ERI3: variants seen among roughly 807,000 people sequenced by gnomAD.
The protein encoded by ERI3 is ERI1 exoribonuclease 3.
A neutral mutation model predicts 44.4 loss-of-function variants in ERI3; 18 were observed. That is an observed-to-expected ratio of 0.41 (90% CI 0.28 to 0.60). The LOEUF (loss-of-function observed/expected upper bound fraction) is 0.60. ERI3 is among the 20% of genes least tolerant of loss of function. ERI3 has a pLI of 0.36. For missense variants in ERI3, 294 were observed against 435.5 expected (o/e 0.68, Z 2.89); for synonymous variants, 183 against 164.8 (o/e 1.11, Z -0.84).
chr1:44,336,205 G>A lies in ERI3; in HGVS notation c.489+2840C>T, dbSNP rs1008118202. ...CAGCACAGGGGCTCTAATAAGAACC[G>A]GACCTATGTTGACCTCAATGGAAGG... On this transcript the variant is annotated intron_variant, in intron 3 of 8. Coordinates refer to ENST00000372257, the MANE Select transcript of ERI3 (RefSeq NM_024066.3). 7.9e-5 allele frequency among the ~76,000 whole-genome samples: 12 copies of A among 152,236 alleles called. No homozygotes were observed. In the South Asian group the frequency reaches 8.3e-4, roughly 11 times the overall value.
intron 7 of ERI3, among the ~76,000 whole-genome samples, chr1:44,282,443 G>A (rs3850118): frequency 6.6e-6 from 1 of 152,166 alleles, no homozygotes; most frequent in East Asian, 1.9e-4. Context: ...GGGGACACAA[G>A]GCATGGAGTA....
chr1:44,227,996 A>G (rs1644085697), intron 8 of ERI3, among the ~76,000 whole-genome samples: 1 of 152,172 alleles, frequency 6.6e-6, no homozygotes, highest in African/African-American at 2.4e-5. Context: ...AATAACATCT[A>G]AAAATAATGT....
At chr1:44,244,967 C>A (rs192412538) in intron 8 of ERI3, among the ~76,000 whole-genome samples, 10 of 152,226 alleles carry the variant, frequency 6.6e-5, no homozygotes, top group Admixed American at 6.5e-4. Context: ...CCCAATGCTG[C>A]CTTACCCCCC....
At position 44,235,442 on chromosome 1, in the gene ERI3, G is replaced by GC. The variant is rs1351271522; in HGVS notation, c.931+12496dup. On this transcript the variant is annotated intron_variant, in intron 8 of 8. Transcript: ENST00000372257. This position sits in a 1 kb window ranked among gnomAD's most constrained non-coding sequence, Gnocchi z 4.6. ...GTGCTCCCACAGCAGCCAATTCTCC[G>GC]CCTATCGTAACTGCCTCTCCTTCAC... Among the ~76,000 whole-genome samples the GC allele has an allele frequency of 1.3e-5, 2 of 152,000 alleles. No homozygotes were observed. The highest frequency in any genetic ancestry group is 4.8e-5 in the African/African-American group (2 of 41,370).
At chr1:44,308,442 T>C (rs755526499) in intron 5 of ERI3, 41 bp from the exon 6 acceptor site, 26 of 1,544,238 alleles carry the variant, frequency 1.7e-5, no homozygotes, top group Admixed American at 5.0e-5. Flanking sequence ...TCCTTTTTTT[T>C]CCCTGAGCCT....
At chr1:44,308,507 A>C in intron 5 of ERI3, 106 bp from the exon 6 acceptor site, 1 of 896,544 alleles carries the variant, frequency 1.1e-6, no homozygotes, top group Non-Finnish European at 1.9e-6. Context: ...AGAACAGGAG[A>C]AAATTGTAAT....
intron 8 of ERI3, among the ~76,000 whole-genome samples, chr1:44,233,627 C>T (rs1644237834): frequency 6.6e-6 from 1 of 152,106 alleles, no homozygotes; most frequent in Non-Finnish European, 1.5e-5. Context: ...AGGGTCCAAC[C>T]CAGAATCCAG....
intron 8 of ERI3, among the ~76,000 whole-genome samples, chr1:44,246,625 G>A: frequency 6.6e-6 from 1 of 152,182 alleles, no homozygotes; most frequent in Non-Finnish European, 1.5e-5. Flanking sequence ...AGAGGTAACT[G>A]AAAAAGTAGA....
At chr1:44,277,860 T>G (rs1213311997) in intron 7 of ERI3, among the ~76,000 whole-genome samples, 2 of 152,170 alleles carry the variant, frequency 1.3e-5, no homozygotes, top group African/African-American at 2.4e-5. Flanking sequence ...TGAAAAATAA[T>G]AGCAACCACT....
intron 4 of ERI3, among the ~76,000 whole-genome samples, chr1:44,317,192 A>G (rs1429475364): frequency 6.6e-6 from 1 of 152,056 alleles, no homozygotes; most frequent in African/African-American, 2.4e-5. Context: ...TCTTGTGCAC[A>G]AGAGAGAAAA....
chr1:44,277,726 ACT>A (rs1205625360), intron 7 of ERI3, among the ~76,000 whole-genome samples: 1 of 151,604 alleles, frequency 6.6e-6, no homozygotes, highest in East Asian at 1.9e-4. Context: ...TCACTTTTTT[ACT>A]CTCTGTCTCT....
At chr1:44,290,163 G>A (rs1305274877) in intron 6 of ERI3, among the ~76,000 whole-genome samples, 1 of 152,204 alleles carries the variant, frequency 6.6e-6, no homozygotes, top group Non-Finnish European at 1.5e-5. Flanking sequence ...GAGTGATGTG[G>A]GCTGGCAGTC....
chr1:44,322,968 T>G, intron 3 of ERI3: 1 of 1,393,984 alleles, frequency 7.2e-7, no homozygotes, highest in Non-Finnish European at 9.4e-7. Context: ...TGTGCCCAAG[T>G]GCCAGCCTCT....
intron 5 of ERI3, among the ~76,000 whole-genome samples, chr1:44,310,525 T>C (rs1181958778): frequency 6.6e-6 from 1 of 152,078 alleles, no homozygotes; most frequent in African/African-American, 2.4e-5. Flanking sequence ...CCACAGTATA[T>C]AGAAAGAAAG....
intron 3 of ERI3, among the ~76,000 whole-genome samples, chr1:44,331,268 G>T (rs529623239): frequency 6.6e-6 from 1 of 152,086 alleles, no homozygotes; most frequent in South Asian, 2.1e-4. Context: ...TCTATTGAAG[G>T]TAGGTCCTAG....
At chr1:44,353,809 C>A in intron 1 of ERI3, 4 of 985,368 alleles carry the variant, frequency 4.1e-6, no homozygotes, top group Non-Finnish European at 4.8e-6. Flanking sequence ...TGCCAAAGTG[C>A]TCTGAGCTCC....
At position 44,235,661 on chromosome 1, in the gene ERI3, C is replaced by A. The variant is rs1374201223; in HGVS notation, c.931+12278G>T. Among the ~76,000 whole-genome samples the A allele has an allele frequency of 6.6e-6, 1 of 152,234 alleles. No homozygotes were observed. Among genetic ancestry groups the A allele is most frequent in the Non-Finnish European group, 1.5e-5 (1 of 68,036 alleles). ...CCAGGCCCTGAAACCCTGTCATGGT[C>A]TTTGTCTCCAGCTTCCAAAGCCCTG... is the stretch of plus-strand genomic sequence containing the variant. On this transcript the variant is annotated intron_variant, in intron 8 of 8. Transcript: ENST00000372257. The surrounding 1 kb of genome is among the most constrained non-coding windows in gnomAD (Gnocchi z 4.6).
intron 7 of ERI3, among the ~76,000 whole-genome samples, chr1:44,264,252 T>A (rs772736068): frequency 6.6e-6 from 1 of 152,156 alleles, no homozygotes; most frequent in Non-Finnish European, 1.5e-5. Flanking sequence ...ATAAAAGTGA[T>A]TGAATCTCCA....
chr1:44,316,524 A>G (rs1646091561), intron 4 of ERI3, among the ~76,000 whole-genome samples: 1 of 152,140 alleles, frequency 6.6e-6, no homozygotes, highest in African/African-American at 2.4e-5. Flanking sequence ...AGCCCAGGAA[A>G]CTCAGTGCCA....
Sources: allele counts gnomAD v4.1 joint callset (sites outside exome capture counted in the v4.1 genomes callset), GRCh38; gene constraint gnomAD v4.1.1; non-coding constraint Gnocchi (gnomAD v3.1); transcripts MANE v1.5; gene names NCBI Gene and HGNC (gene_info 2026-07-23, HGNC 2026-07-21).